Variants in ELMO1 observed in about 807,000 individuals in gnomAD.
ELMO1 encodes the protein engulfment and cell motility protein 1.
ELMO1 carries 26 observed loss-of-function variants against 98.9 expected under a neutral mutation model. The observed-to-expected ratio is 0.26, with a 90% CI of 0.19 to 0.36. ELMO1 has a LOEUF of 0.36. Ranked by LOEUF, ELMO1 falls within the 10% of genes least tolerant of loss-of-function variation. The probability of loss-of-function intolerance (pLI) is 1.00; values close to 1 mark genes in which losing one functional copy is unlikely to be tolerated. For synonymous variants in ELMO1, 346 were observed against 346.0 expected (o/e 1.00, Z 0.00); for missense variants, 627 against 935.2 (o/e 0.67, Z 4.30).
chr7:37,322,100 C>T (rs892799359), intron 2 of ELMO1, among the ~76,000 whole-genome samples: 11 of 151,494 alleles, frequency 7.3e-5, no homozygotes, highest in Non-Finnish European at 1.5e-4. Context: ...CCTCATGATC[C>T]GCCCGCCTTG....
intron 1 of ELMO1, among the ~76,000 whole-genome samples, chr7:37,411,248 A>C (rs1251941232): frequency 2.0e-5 from 3 of 152,246 alleles, no homozygotes; most frequent in African/African-American, 7.2e-5. Flanking sequence ...CATCTTAGCA[A>C]ACAAAGTTCC....
At chr7:36,977,076 G>T (rs1309427522) in intron 16 of ELMO1, among the ~76,000 whole-genome samples, 1 of 152,152 alleles carries the variant, frequency 6.6e-6, no homozygotes, top group African/African-American at 2.4e-5. Flanking sequence ...GGGATAAAAT[G>T]CCTTTTAACA....
At chr7:37,393,680 A>G (rs909848346) in intron 1 of ELMO1, 2 of 152,172 alleles carry the variant, frequency 1.3e-5, no homozygotes, top group African/African-American at 4.8e-5. Flanking sequence ...TATCACAGAA[A>G]AGTGAAGCTG....
intron 16 of ELMO1, among the ~76,000 whole-genome samples, chr7:36,958,724 T>C (rs1176302512): frequency 6.6e-6 from 1 of 152,148 alleles, no homozygotes; most frequent in East Asian, 1.9e-4. Context: ...GTTGTTTGCA[T>C]ACTTCTTGCC....
chr7:36,924,985 T>A (rs1320944539), intron 16 of ELMO1, among the ~76,000 whole-genome samples: 3 of 152,132 alleles, frequency 2.0e-5, no homozygotes, highest in Non-Finnish European at 4.4e-5. Flanking sequence ...CAGGGCAAAG[T>A]CTGATCATCT....
chr7:37,176,766 A>G (rs1262899514), intron 13 of ELMO1, among the ~76,000 whole-genome samples: 1 of 152,194 alleles, frequency 6.6e-6, no homozygotes, highest in Admixed American at 6.6e-5. Flanking sequence ...CATGGAACAC[A>G]TTTTCTTTTA....
At chr7:37,321,716 C>CAAAAAAAAA (rs565421716) in intron 2 of ELMO1, among the ~76,000 whole-genome samples, 1,148 of 66,002 alleles carry the variant, frequency 0.017, 95 homozygotes, top group East Asian at 0.027. Context: ...GACTCCGTCT[C>CAAAAAAAAA]AAAAAAAAAA....
At chr7:37,058,002 A>T (rs1056337115) in intron 15 of ELMO1, among the ~76,000 whole-genome samples, 2 of 152,362 alleles carry the variant, frequency 1.3e-5, no homozygotes, top group South Asian at 2.1e-4. Flanking sequence ...TGGTTACAGA[A>T]AAAGGTTATT....
At chr7:37,432,364 A>C (rs1400362828) in intron 1 of ELMO1, among the ~76,000 whole-genome samples, 2 of 152,200 alleles carry the variant, frequency 1.3e-5, no homozygotes, top group Non-Finnish European at 2.9e-5. Flanking sequence ...TTGAGGGAGA[A>C]AGGGGATATG....
At chr7:37,416,311 C>T (rs1804210456) in intron 1 of ELMO1, among the ~76,000 whole-genome samples, 2 of 152,176 alleles carry the variant, frequency 1.3e-5, no homozygotes, top group African/African-American at 4.8e-5. Context: ...CAGGTTTTAA[C>T]CGTATGGAAA....
At chr7:37,289,028 T>C (rs1797542183) in intron 4 of ELMO1, among the ~76,000 whole-genome samples, 1 of 152,166 alleles carries the variant, frequency 6.6e-6, no homozygotes, top group Non-Finnish European at 1.5e-5. Context: ...TCTAAGTCTT[T>C]CCTGTCAGTT....
intron 13 of ELMO1, among the ~76,000 whole-genome samples, chr7:37,142,124 AAC>A (rs1450453599): frequency 1.3e-5 from 2 of 152,254 alleles, no homozygotes; most frequent in African/African-American, 4.8e-5. Flanking sequence ...ATATGATCGT[AAC>A]AAAAATAAAA....
intron 14 of ELMO1, among the ~76,000 whole-genome samples, chr7:37,126,711 T>G (rs995535817): frequency 2.0e-5 from 3 of 152,188 alleles, no homozygotes; most frequent in Non-Finnish European, 4.4e-5. Flanking sequence ...CTTTTCCATG[T>G]CAGGTATTTC....
At chr7:37,193,613 C>T (rs1168017993) in intron 13 of ELMO1, among the ~76,000 whole-genome samples, 1 of 152,142 alleles carries the variant, frequency 6.6e-6, no homozygotes, top group Non-Finnish European at 1.5e-5. Flanking sequence ...CACTCATACT[C>T]AGCACTAAAA....
intron 15 of ELMO1, among the ~76,000 whole-genome samples, chr7:37,064,331 G>C (rs35823459): frequency 2.0e-5 from 3 of 152,148 alleles, no homozygotes; most frequent in African/African-American, 7.2e-5. Context: ...ATGGAGCTTG[G>C]GTCCCAGGGA....
intron 13 of ELMO1, among the ~76,000 whole-genome samples, chr7:37,180,158 GA>G (rs1790755622): frequency 6.6e-6 from 1 of 152,076 alleles, no homozygotes; most frequent in Non-Finnish European, 1.5e-5. Flanking sequence ...GAAACTAAAG[GA>G]ATAGCAGCAG....
chr7:36,854,195 G>A lies in ELMO1; in HGVS notation c.*1356C>T, dbSNP rs1172403549. 6.6e-6 allele frequency among the ~76,000 whole-genome samples: 1 copy of A among 152,156 alleles called. No individual in the cohort carries two copies. Among genetic ancestry groups the A allele is most frequent in the Non-Finnish European group, 1.5e-5 (1 of 68,042 alleles). On this transcript the variant is annotated 3_prime_UTR_variant, in exon 22 of 22. Transcript: ENST00000310758. ...CCTATGGTGACCTAGCAATGGTGGAGGGTTTCCCACAGCAGTGTTTTTCAA... is the reference window on the plus strand; with the variant it reads ...CCTATGGTGACCTAGCAATGGTGGAAGGTTTCCCACAGCAGTGTTTTTCAA...
chr7:37,175,956 T>G (rs1392948671), intron 13 of ELMO1, among the ~76,000 whole-genome samples: 1 of 152,332 alleles, frequency 6.6e-6, no homozygotes, highest in East Asian at 1.9e-4. Context: ...AGTTCCAAGT[T>G]GAACTGCAAT....
chr7:37,323,623 G>T (rs1460162649), intron 2 of ELMO1, among the ~76,000 whole-genome samples: 1 of 152,130 alleles, frequency 6.6e-6, no homozygotes, highest in African/African-American at 2.4e-5. Context: ...CCAGGAGGCA[G>T]AGGAAAAAAA....
Sources: gnomAD v4.1 joint callset for allele counts (sites outside exome capture counted in the v4.1 genomes callset) on GRCh38, gnomAD v4.1.1 for gene constraint, MANE v1.5 for transcripts, NCBI Gene and HGNC (gene_info 2026-07-23, HGNC 2026-07-21) for gene names.